Variants in FAM219A observed in about 807,000 individuals in gnomAD.
FAM219A encodes the protein family with sequence similarity 219 member A.
FAM219A carries 7 observed loss-of-function variants against 23.4 expected under a neutral mutation model. The observed-to-expected ratio is 0.30, with a 90% confidence interval of 0.17 to 0.56. The LOEUF is 0.56. FAM219A is among the 20% of genes least tolerant of loss of function. FAM219A has a pLI of 0.92. For missense variants in FAM219A, 166 were observed against 246.9 expected, an observed-to-expected ratio of 0.67 and a Z score of 2.20; for synonymous variants, 93 against 99.0, an observed-to-expected ratio of 0.94 and a Z score of 0.36.
chr9:34,433,014 T>C (rs1240319949), intron 1 of FAM219A, among the ~76,000 whole-genome samples: 3 of 152,198 alleles, frequency 2.0e-5, no homozygotes, highest in Non-Finnish European at 2.9e-5. Flanking sequence ...TGAAATAATT[T>C]TGCATTTACG....
chr9:34,435,165 G>A (rs763042107), intron 1 of FAM219A, among the ~76,000 whole-genome samples: 1 of 152,134 alleles, frequency 6.6e-6, no homozygotes, highest in South Asian at 2.1e-4. Flanking sequence ...CTGCCTCCTA[G>A]AAGCTACAGG....
At chr9:34,416,075 G>C (rs765545083) in intron 1 of FAM219A, among the ~76,000 whole-genome samples, 8 of 152,048 alleles carry the variant, frequency 5.3e-5, no homozygotes, top group Middle Eastern at 3.4e-3. Flanking sequence ...TACTCGGAAG[G>C]CTGAGTGGGA....
chr9:34,412,130 A>G (rs1588038095), intron 1 of FAM219A, among the ~76,000 whole-genome samples: 1 of 152,022 alleles, frequency 6.6e-6, no homozygotes, highest in Non-Finnish European at 1.5e-5. Flanking sequence ...ATGGAAAAGG[A>G]CCCTCCGATA....
In FAM219A at chr9:34,458,560, T is replaced by C. The variant is rs2132033545; in HGVS notation, c.-297A>G. 7.7e-6 allele frequency: 3 copies of C among 392,106 alleles called. No homozygotes were observed. Among genetic ancestry groups the C allele is most frequent in the Non-Finnish European group, 1.4e-5 (3 of 214,362 alleles). 24.3% of individuals were successfully genotyped at this position (392,106 alleles called of 1,614,324 possible). On this transcript the variant is annotated 5_prime_UTR_variant, in exon 1 of 6. Coordinates refer to ENST00000651358, the MANE Select transcript of FAM219A (RefSeq NM_001184940.2). The surrounding 1 kb of genome is among the most constrained non-coding windows in gnomAD (Gnocchi z 6.6). ...CGCCTCCTGTCAGCAGCTCAGCCAC[T>C]GCGGTGACTCGGCAACTCCACTTCC...
At chr9:34,441,502 G>T (rs765395550) in intron 1 of FAM219A, among the ~76,000 whole-genome samples, 21 of 152,262 alleles carry the variant, frequency 1.4e-4, no homozygotes, top group Middle Eastern at 3.4e-3. Context: ...GGCTATCTTG[G>T]GCTGATAAGG....
chr9:34,413,270 AT>A (rs1246224593), intron 1 of FAM219A, among the ~76,000 whole-genome samples: 3 of 152,170 alleles, frequency 2.0e-5, no homozygotes, highest in Non-Finnish European at 4.4e-5. Flanking sequence ...AAAAAAACTC[AT>A]TAGTAAAAGG....
At chr9:34,420,948 C>G (rs1282255362) in intron 1 of FAM219A, among the ~76,000 whole-genome samples, 1 of 151,076 alleles carries the variant, frequency 6.6e-6, no homozygotes, top group Non-Finnish European at 1.5e-5. Flanking sequence ...CCACTGCACT[C>G]CAGCCTGGGT....
rs1475012917 is a variant in FAM219A at position 34,457,223 on chromosome 9, C to T, written c.60+981G>A. Among the ~76,000 whole-genome samples, 7 of 152,332 alleles carry T rather than the reference C, an allele frequency of 4.6e-5. No individual in the cohort carries two copies. Among genetic ancestry groups the T allele is most frequent in the Non-Finnish European group, 1.0e-4 (7 of 68,018 alleles). On this transcript the variant is annotated intron_variant, in intron 1 of 5. Transcript: ENST00000651358. This position sits in a 1 kb window ranked among gnomAD's most constrained non-coding sequence, Gnocchi z 5.1. Reference sequence around the variant, plus strand: ...GCCTAGACATTCCCTCTCTTCCCCCCTCACTATACGAGCTGGCTAGGCCTC... The same window carrying T: ...GCCTAGACATTCCCTCTCTTCCCCCTTCACTATACGAGCTGGCTAGGCCTC...
chr9:34,456,378 C>T (rs1014244977), intron 1 of FAM219A, among the ~76,000 whole-genome samples: 7 of 152,300 alleles, frequency 4.6e-5, no homozygotes, highest in Middle Eastern at 3.4e-3. Context: ...GAATTTCAGG[C>T]AATAACAGAA....
chr9:34,405,823 T>A, intron 2 of FAM219A, 42 bp downstream of exon 2: 1 of 1,587,104 alleles, frequency 6.3e-7, no homozygotes, highest in Non-Finnish European at 8.6e-7. Flanking sequence ...CAGAGTATCT[T>A]GCCTACTCCC....
At chr9:34,445,484 A>T (rs1823333175) in intron 1 of FAM219A, among the ~76,000 whole-genome samples, 1 of 152,254 alleles carries the variant, frequency 6.6e-6, no homozygotes, top group South Asian at 2.1e-4. Context: ...AAGAATGTGT[A>T]TGAGTGAAAT....
chr9:34,441,203 G>A (rs1025496054), intron 1 of FAM219A, among the ~76,000 whole-genome samples: 2 of 152,212 alleles, frequency 1.3e-5, no homozygotes, highest in Non-Finnish European at 2.9e-5. Context: ...CAGGAAACAA[G>A]TAAGACCCTC....
Position 34,402,707 on chromosome 9 carries a change from TG to T in FAM219A, c.260del (p.Thr87LysfsTer23). The T allele has an allele frequency of 6.2e-7, 1 of 1,614,052 alleles. No homozygotes were observed. The highest frequency in any genetic ancestry group is 8.5e-7 in the Non-Finnish European group (1 of 1,179,948). ...QPKKNNVMAR[T>X]RLVVPNKGYS... ...GGTGGGGTAGGGAGGGCCTCTACCT[TG>T]TTCGGGCCATGACATTGTTCTTCTT... On this transcript the variant is annotated frameshift_variant, in exon 3 of 6. Transcript: ENST00000651358. LOFTEE classifies it high-confidence loss of function.
At chr9:34,427,493 C>A (rs1289367625) in intron 1 of FAM219A, among the ~76,000 whole-genome samples, 4 of 152,220 alleles carry the variant, frequency 2.6e-5, no homozygotes, top group African/African-American at 7.2e-5. Flanking sequence ...ACATTTCTTT[C>A]ATGCACTTAG....
chr9:34,421,272 T>G (rs1822272434), intron 1 of FAM219A, among the ~76,000 whole-genome samples: 1 of 151,936 alleles, frequency 6.6e-6, no homozygotes, highest in Non-Finnish European at 1.5e-5. Flanking sequence ...GTGTGTGTTA[T>G]AGGGGTGTGT....
intron 5 of FAM219A, 79 bp from the exon 6 acceptor site, chr9:34,401,201 C>G: frequency 1.3e-6 from 2 of 1,529,520 alleles, no homozygotes; most frequent in Non-Finnish European, 1.8e-6. Context: ...TCCAGGCCGT[C>G]TGCGCCCCAG....
Position 34,458,269 on chromosome 9 carries a change from C to CGGCGGGCG in FAM219A, c.-14_-7dup. On this transcript the variant is annotated 5_prime_UTR_variant, in exon 1 of 6. Transcript: ENST00000651358. This position sits in a 1 kb window ranked among gnomAD's most constrained non-coding sequence, Gnocchi z 6.6. ...CGGTCGATCTCCTCCATCATGGTGC[C>CGGCGGGCG]GGCGGGCGAGCGGGCCAGGGGCCGG... The CGGCGGGCG allele has an allele frequency of 6.5e-7, 1 of 1,544,238 alleles. No homozygotes were observed. Among genetic ancestry groups the CGGCGGGCG allele is most frequent in the Non-Finnish European group, 8.7e-7 (1 of 1,150,062 alleles).
At chr9:34,439,063 C>G (rs1458741394) in intron 1 of FAM219A, among the ~76,000 whole-genome samples, 1 of 152,162 alleles carries the variant, frequency 6.6e-6, no homozygotes, top group Non-Finnish European at 1.5e-5. Flanking sequence ...AGCTGTAACA[C>G]TCACCGCGAA....
Position 34,404,618 on chromosome 9 carries a change from G to A in FAM219A, c.160+1247C>T, listed in dbSNP as rs563078435. 2.0e-5 allele frequency among the ~76,000 whole-genome samples: 3 copies of A among 152,312 alleles called. No individual in the cohort carries two copies. In the South Asian group the frequency reaches 6.2e-4, roughly 32 times the overall value. ...AGCTACTTGAGAGGCTGAGGCAGGA[G>A]AATCGCTTGAACCAGGGAAGCGGAG... On this transcript the variant is annotated intron_variant, in intron 2 of 5. Transcript: ENST00000651358.
Sources: allele counts gnomAD v4.1 joint callset (sites outside exome capture counted in the v4.1 genomes callset), GRCh38; gene constraint gnomAD v4.1.1; non-coding constraint Gnocchi (gnomAD v3.1); transcripts MANE v1.5; gene names NCBI Gene and HGNC (gene_info 2026-07-23, HGNC 2026-07-21).